The following TXNDC5 variants were observed in gnomAD, a reference collection of about 807,000 sequenced individuals.
The protein encoded by TXNDC5 is thioredoxin domain-containing protein 5.
TXNDC5 carries 44 observed loss-of-function variants against 52.6 expected under a neutral mutation model. The ratio of observed to expected loss-of-function variants is 0.84; its 90% CI spans 0.66 to 1.08. The LOEUF is 1.08. Ranked by LOEUF, TXNDC5 falls within the 50% of genes least tolerant of loss-of-function variation. The pLI, the probability that TXNDC5 is intolerant of heterozygous loss-of-function variation, is 0.00. For missense variants in TXNDC5, 600 were observed against 565.5 expected, an observed-to-expected ratio of 1.06 and a Z score of -0.62; for synonymous variants, 241 against 234.4, an observed-to-expected ratio of 1.03 and a Z score of -0.26.
At chr6:7,894,616 C>T (rs1326790145) in intron 4 of TXNDC5, 3 of 704,134 alleles carry the variant, frequency 4.3e-6, no homozygotes, top group African/African-American at 1.9e-5. Flanking sequence ...AAATGTGCTA[C>T]AGCATTACTT....
intron 9 of TXNDC5, 152 bp from the exon 10 acceptor site, chr6:7,883,418 GA>G: frequency 5.4e-6 from 6 of 1,114,984 alleles, no homozygotes; most frequent in African/African-American, 1.6e-5. Flanking sequence ...AACAGGAGCA[GA>G]CTACTGTTTA....
intron 1 of TXNDC5, among the ~76,000 whole-genome samples, chr6:7,907,211 A>G (rs1468062734): frequency 6.6e-6 from 1 of 151,282 alleles, no homozygotes; most frequent in East Asian, 1.9e-4. Context: ...GAATGAGAAT[A>G]AACAATAAAT....
At chr6:7,888,558 A>G in intron 7 of TXNDC5, 147 bp downstream of exon 7, 1 of 1,020,342 alleles carries the variant, frequency 9.8e-7, no homozygotes, top group South Asian at 1.7e-5. Flanking sequence ...TACGTGTTGA[A>G]AACGCAACTG....
At chr6:7,910,182 C>A in intron 1 of TXNDC5, 1 of 982,378 alleles carries the variant, frequency 1.0e-6, no homozygotes, top group Non-Finnish European at 1.2e-6. Flanking sequence ...CGCCAGTGCC[C>A]GGCCCGCTGA....
At chr6:7,907,116 T>C (rs969146559) in intron 1 of TXNDC5, among the ~76,000 whole-genome samples, 1 of 151,936 alleles carries the variant, frequency 6.6e-6, no homozygotes, top group African/African-American at 2.4e-5. Flanking sequence ...ACTTTAGAAC[T>C]CCTCTGCAAT....
chr6:7,910,043 T>A, intron 1 of TXNDC5: 2 of 986,094 alleles, frequency 2.0e-6, no homozygotes, highest in Non-Finnish European at 2.4e-6. Flanking sequence ...CACCTTCCCC[T>A]CCCTCGGTGC....
rs1484991132 is a variant in TXNDC5 at position 7,894,894 on chromosome 6, C to T, written c.616+212G>A. 7 of 985,320 alleles carry T rather than the reference C, an allele frequency of 7.1e-6. No homozygotes were observed. The African/African-American group carries it at 1.2e-4, about 17-fold the overall frequency. The allele number at this position is 985,320 out of a possible 1,614,324, so 61.0% of individuals were successfully genotyped here. On this transcript the variant is annotated intron_variant, in intron 4 of 9. Transcript: ENST00000379757. ...CGGGTCACGTGTGCTTAGCATTAGA[C>T]TCGGCGTTTCTATAAGGGCACAGAC...
chr6:7,910,183 G>A (rs1561818015), intron 1 of TXNDC5: 6 of 978,840 alleles, frequency 6.1e-6, no homozygotes, highest in African/African-American at 5.3e-5. Context: ...GCCAGTGCCC[G>A]GCCCGCTGAG....
chr6:7,906,811 T>C (rs1760752152), intron 1 of TXNDC5, among the ~76,000 whole-genome samples: 1 of 151,642 alleles, frequency 6.6e-6, no homozygotes, highest in African/African-American at 2.4e-5. Flanking sequence ...GTGTGCAAGC[T>C]GGGAGATGTG....
rs1759809149 is a variant in TXNDC5, at chr6:7,882,742, A to ACT, written c.*400_*401dup. The ACT allele has an allele frequency of 5.4e-6, 1 of 186,278 alleles. No individual in the cohort carries two copies. Among genetic ancestry groups the ACT allele is most frequent in the Admixed American group, 5.4e-5 (1 of 18,488 alleles). The allele number at this position is 186,278 out of a possible 1,614,324, so 11.5% of individuals were successfully genotyped here. On this transcript the variant is annotated 3_prime_UTR_variant, in exon 10 of 10. Coordinates refer to ENST00000379757, the MANE Select transcript of TXNDC5 (RefSeq NM_030810.5). ...ACTGCCACAAGGCCACCTTTCCAGA[A>ACT]CTCGTGGGCAGGTAAACTATGCTTT...
Position 7,888,754 on chromosome 6 carries a change from A to G in TXNDC5, c.914T>C (p.Val305Ala), listed in dbSNP as rs149618625. 1.4e-4 allele frequency: 233 copies of G among 1,613,992 alleles called. 1 individual carries two copies. In the African/African-American group the frequency reaches 2.9e-3, roughly 20 times the overall value. Reference protein sequence around the residue: ...QRTETGATETVTPSEAPVLAA... With the variant: ...QRTETGATETATPSEAPVLAA... ...CAGCACCGGGGCCTCTGAGGGCGTG[A>G]CGGTCTCCGTCGCTCCAGTCTCTGT... Residue 305 changes from valine to alanine, a missense_variant, in exon 7 of 10, where the codon GTC becomes GCC. Coordinates refer to ENST00000379757, the MANE Select transcript of TXNDC5 (RefSeq NM_030810.5).
In TXNDC5 at chr6:7,883,286, A is replaced by G. The variant is rs77585401; in HGVS notation, c.1177-20T>C. On this transcript the variant is annotated intron_variant, in intron 9 of 9. Coordinates refer to ENST00000379757, the MANE Select transcript of TXNDC5 (RefSeq NM_030810.5). ...TCGTACCTTAAAACAAAAAAGAAAA[A>G]AGTTTGCAAACCAGCGGTCCAGATC... The G allele has an allele frequency of 3.1e-3, 4,980 of 1,607,756 alleles. 134 individuals are homozygous for G. The African/African-American group carries it at 0.059, about 19-fold the overall frequency.
chr6:7,882,537 C>T lies in TXNDC5; in HGVS notation c.*607G>A, dbSNP rs1759800501. 1 of 152,554 alleles carries T rather than the reference C, an allele frequency of 6.6e-6. No individual in the cohort carries two copies. The highest frequency in any genetic ancestry group is 2.4e-5 in the African/African-American group (1 of 41,458). The allele number at this position is 152,554 out of a possible 1,614,324, so 9.5% of individuals were successfully genotyped here. On this transcript the variant is annotated 3_prime_UTR_variant, in exon 10 of 10. Transcript: ENST00000379757. ...CTTACTCAGGCACGGTCAGAAGTAA[C>T]GCTGCTTTCATCACGGCTAACCTCT...
chr6:7,884,253 T>C (rs1759875264), intron 9 of TXNDC5, 106 bp downstream of exon 9: 4 of 1,458,298 alleles, frequency 2.7e-6, no homozygotes, highest in South Asian at 1.3e-5. Context: ...AAAAACCACA[T>C]TGTTGAGAAG....
At chr6:7,894,107 T>G (rs1407263771) in intron 4 of TXNDC5, among the ~76,000 whole-genome samples, 1 of 152,180 alleles carries the variant, frequency 6.6e-6, no homozygotes, top group Non-Finnish European at 1.5e-5. Flanking sequence ...ACGGTGTCAT[T>G]AAATTCTGGG....
chr6:7,909,698 G>GAA (rs1301310081), intron 1 of TXNDC5: 2 of 878,000 alleles, frequency 2.3e-6, no homozygotes, highest in African/African-American at 3.6e-5. Context: ...GCAGGGGGGC[G>GAA]GAGGGGTTCC....
chr6:7,886,455 G>A (rs1759987366), intron 7 of TXNDC5, among the ~76,000 whole-genome samples: 1 of 152,224 alleles, frequency 6.6e-6, no homozygotes, highest in Non-Finnish European at 1.5e-5. Flanking sequence ...GATACCCACT[G>A]AAGTCTCATC....
chr6:7,889,674 C>A (rs1208327311), intron 5 of TXNDC5, 93 bp from the exon 6 acceptor site: 1 of 982,898 alleles, frequency 1.0e-6, no homozygotes, highest in Non-Finnish European at 1.5e-6. Flanking sequence ...TACAAATATT[C>A]TTTTCAAAAT....
At chr6:7,908,584 G>A (rs905436200) in intron 1 of TXNDC5, among the ~76,000 whole-genome samples, 5 of 151,968 alleles carry the variant, frequency 3.3e-5, no homozygotes, top group African/African-American at 1.2e-4. Context: ...TACTTTGGGA[G>A]GCCAGGGCAG....
Sources: allele counts gnomAD v4.1 joint callset (sites outside exome capture counted in the v4.1 genomes callset), GRCh38; gene constraint gnomAD v4.1.1; transcripts MANE v1.5; gene names NCBI Gene and HGNC (gene_info 2026-07-23, HGNC 2026-07-21).